CWC22: variants seen among roughly 807,000 people sequenced by gnomAD.
CWC22 encodes pre-mRNA-splicing factor CWC22 homolog.
Under a neutral mutation model 117.2 loss-of-function variants are expected in CWC22, and 53 were observed. The observed-to-expected ratio is 0.45, with a 90% confidence interval of 0.36 to 0.57. CWC22 has a LOEUF of 0.57. Among genes scored for constraint, CWC22 ranks in the 20% least tolerant of loss-of-function variants. The pLI, the probability that CWC22 is intolerant of heterozygous loss-of-function variation, is 0.00. For synonymous variants in CWC22, 360 were observed against 355.6 expected (o/e 1.01, Z -0.14); for missense variants, 980 against 1,068.8 (o/e 0.92, Z 1.16).
intron 11 of CWC22, 123 bp from the exon 12 acceptor site, chr2:179,966,105 A>G: frequency 3.0e-6 from 2 of 673,210 alleles, no homozygotes; most frequent in Non-Finnish European, 4.9e-6. Flanking sequence ...CTAGCCAACA[A>G]AGATAACCAC....
intron 2 of CWC22, among the ~76,000 whole-genome samples, chr2:179,991,450 A>C (rs1396445580): frequency 6.6e-6 from 1 of 152,230 alleles, no homozygotes; most frequent in Non-Finnish European, 1.5e-5. Context: ...AAATGGAAGC[A>C]GACCAAAGAG....
intron 13 of CWC22, 93 bp from the exon 14 acceptor site, chr2:179,959,175 T>C: frequency 3.8e-6 from 3 of 787,300 alleles, no homozygotes; most frequent in Non-Finnish European, 6.2e-6. Context: ...TTTTAAATCA[T>C]CTTTTTTAAC....
chr2:179,991,596 G>C (rs943245611), intron 2 of CWC22, among the ~76,000 whole-genome samples: 1 of 152,186 alleles, frequency 6.6e-6, no homozygotes, highest in Non-Finnish European at 1.5e-5. Flanking sequence ...CAGAGACTAA[G>C]AGGAACCAAA....
chr2:179,972,851 C>CA (rs910717990), intron 8 of CWC22, among the ~76,000 whole-genome samples: 6 of 150,898 alleles, frequency 4.0e-5, no homozygotes, highest in South Asian at 2.1e-4. Flanking sequence ...ACTAAAAATA[C>CA]AAAAAAAACT....
chr2:179,979,494 C>A (rs993412814), intron 5 of CWC22, among the ~76,000 whole-genome samples: 21 of 152,104 alleles, frequency 1.4e-4, no homozygotes, highest in Admixed American at 1.4e-3. Flanking sequence ...TGCTTGAATT[C>A]TATTCATGGA....
chr2:179,990,323 A>G (rs952840548), intron 2 of CWC22, among the ~76,000 whole-genome samples: 1 of 152,234 alleles, frequency 6.6e-6, no homozygotes, highest in African/African-American at 2.4e-5. Flanking sequence ...AATACAAAGC[A>G]CAAGATTCAT....
At position 179,985,050 on chromosome 2, in the gene CWC22, T is replaced by A. The variant is rs553683735; in HGVS notation, c.206+1645A>T. Among the ~76,000 whole-genome samples the A allele has an allele frequency of 1.2e-4, 19 of 152,158 alleles. 1 individual carries two copies. Among genetic ancestry groups the A allele is most frequent in the Admixed American group, 3.9e-4 (6 of 15,284 alleles). Reference sequence around the variant, plus strand: ...AAACAACCAGACAAGATACATGTTATCATCCTCATCTTATAGATAAGGAAA... The same window carrying A: ...AAACAACCAGACAAGATACATGTTAACATCCTCATCTTATAGATAAGGAAA... On this transcript the variant is annotated intron_variant, in intron 4 of 19. Transcript: ENST00000410053.
intron 18 of CWC22, 23 bp from the exon 19 acceptor site, chr2:179,950,755 A>C (rs1189245266): frequency 6.8e-6 from 11 of 1,606,228 alleles, no homozygotes; most frequent in Non-Finnish European, 9.4e-6. Flanking sequence ...ATAATCTGTT[A>C]GATTCTATTT....
In CWC22 at chr2:179,986,774, T is replaced by C; in HGVS notation, c.127A>G (p.Arg43Gly). 1.2e-6 allele frequency: 2 copies of C among 1,601,136 alleles called. No homozygotes were observed. The highest frequency in any genetic ancestry group is 2.2e-5 in the East Asian group (1 of 44,670). Residue 43 changes from arginine (R) to glycine (G), a missense_variant, in exon 4 of 20, where the codon AGA becomes GGA. Physicochemically the swap from Arg to Gly is moderately radical, Grantham distance 125 (BLOSUM62 -2). Transcript: ENST00000410053. ...GATCTGCTGTAATCAAAGTAATCTCTATCCCGGGGGGATCGTTCTTGTTCT... is the reference window on the plus strand; with the variant it reads ...GATCTGCTGTAATCAAAGTAATCTCCATCCCGGGGGGATCGTTCTTGTTCT... ...YEEQERSPRD[R>G]DYFDYSRSDY...
At chr2:179,993,193 C>A in intron 2 of CWC22, 122 bp downstream of exon 2, 1 of 729,506 alleles carries the variant, frequency 1.4e-6, no homozygotes, top group East Asian at 2.8e-5. Context: ...TACTTTTGCA[C>A]CAACCTAAGT....
Position 179,945,534 on chromosome 2 carries a change from A to G in CWC22, c.2322T>C (p.Gly774=), listed in dbSNP as rs767958661. ...TTGTTATAGGATCTCTCCAATTTGA[A>G]CCACTTGAATTTTGATCTCTGTGTT... The part of the protein sequence containing the change: ...SEKHRDQNSS[G]SNWRDPITKY... The change falls in exon 20 of 20, where the codon GGT becomes GGC. Residue 774 remains glycine (G), a synonymous_variant. Coordinates refer to ENST00000410053, the MANE Select transcript of CWC22 (RefSeq NM_020943.3). 3.1e-6 allele frequency: 5 copies of G among 1,612,646 alleles called. No homozygotes were observed. The South Asian group carries it at 5.5e-5, about 18-fold the overall frequency.
chr2:179,968,830 T>C (rs1411704034), intron 11 of CWC22, among the ~76,000 whole-genome samples: 1 of 152,100 alleles, frequency 6.6e-6, no homozygotes, highest in African/African-American at 2.4e-5. Context: ...CCTCCCAAAA[T>C]GCTGGAATTA....
chr2:179,953,188 G>C (rs1057159887), intron 16 of CWC22, among the ~76,000 whole-genome samples: 1 of 151,930 alleles, frequency 6.6e-6, no homozygotes, highest in Non-Finnish European at 1.5e-5. Flanking sequence ...TTCTCAAAGA[G>C]GGGAAAAAAG....
intron 2 of CWC22, among the ~76,000 whole-genome samples, chr2:179,992,274 T>A (rs1575657253): frequency 1.3e-5 from 2 of 152,206 alleles, no homozygotes; most frequent in East Asian, 3.8e-4. Flanking sequence ...CCAAGTCCAC[T>A]CACAGGCAGA....
rs762865857 is a variant in CWC22 at position 179,964,575 on chromosome 2, G to A, written c.1369C>T (p.Arg457Cys). The change falls in exon 13 of 20, where the codon CGT becomes TGT. Residue 457 changes from arginine (R) to cysteine (C), a missense_variant. Physicochemically the swap from Arg to Cys is radical, Grantham distance 180 (BLOSUM62 -3). Transcript: ENST00000410053. The part of the protein sequence containing the change: ...KTEINLVSFR[R>C]TIYLAIQSSL... ...GACTGAATAGCAAGATAAATTGTAC[G>A]ACGAAATGAGACCAGGTTAATTTCT... is the stretch of plus-strand genomic sequence containing the variant. The A allele has an allele frequency of 6.4e-6, 10 of 1,568,796 alleles. No individual in the cohort carries two copies. The highest frequency in any genetic ancestry group is 8.7e-6 in the Non-Finnish European group (10 of 1,153,262).
chr2:179,956,206 G>A (rs898971866), intron 14 of CWC22, among the ~76,000 whole-genome samples: 1 of 151,830 alleles, frequency 6.6e-6, no homozygotes, highest in African/African-American at 2.4e-5. Flanking sequence ...CTCCAGAGGA[G>A]GACTTAGAGC....
At chr2:179,978,130 ATAT>A (rs1687198189) in intron 6 of CWC22, 57 bp downstream of exon 6, 3 of 1,382,686 alleles carry the variant, frequency 2.2e-6, no homozygotes, top group Non-Finnish European at 2.8e-6. Context: ...GTTCATGTAG[ATAT>A]TATATTCCTT....
At chr2:179,965,763 C>T in intron 12 of CWC22, 115 bp downstream of exon 12, 1 of 863,338 alleles carries the variant, frequency 1.2e-6, no homozygotes, top group East Asian at 2.8e-5. Flanking sequence ...CTCCTAGACG[C>T]CATCAGCAGC....
chr2:179,974,059 C>T (rs1687096075), intron 6 of CWC22, among the ~76,000 whole-genome samples: 3 of 152,074 alleles, frequency 2.0e-5, no homozygotes, highest in Non-Finnish European at 2.9e-5. Context: ...CATATAATTC[C>T]TCTTTTCCCA....
Sources: gnomAD v4.1 joint callset for allele counts (sites outside exome capture counted in the v4.1 genomes callset) on GRCh38, gnomAD v4.1.1 for gene constraint, MANE v1.5 for transcripts, NCBI Gene and HGNC (gene_info 2026-07-23, HGNC 2026-07-21) for gene names.